Variants in PTN observed in about 807,000 individuals in gnomAD.
The protein encoded by PTN is pleiotrophin.
PTN carries 18 observed loss-of-function variants against 24.1 expected under a neutral mutation model. That is an observed-to-expected ratio of 0.75 (90% CI 0.52 to 1.11). The LOEUF is 1.11. PTN is among the 50% of genes least tolerant of loss of function. The pLI is 0.00. For synonymous variants in PTN, 78 were observed against 68.6 expected, an observed-to-expected ratio of 1.14 and a Z score of -0.67; for missense variants, 163 against 198.8, an observed-to-expected ratio of 0.82 and a Z score of 1.08.
chr7:137,281,744 T>C (rs1809478409), intron 1 of PTN, among the ~76,000 whole-genome samples: 1 of 152,230 alleles, frequency 6.6e-6, no homozygotes, highest in African/African-American at 2.4e-5. Flanking sequence ...TTTAAAGATA[T>C]ATATGCACTC....
chr7:137,242,931 G>A (rs958826030), intron 4 of PTN, among the ~76,000 whole-genome samples: 2 of 152,304 alleles, frequency 1.3e-5, no homozygotes, highest in East Asian at 1.9e-4. Context: ...TGAAAAACAC[G>A]TGTGGCTTGG....
chr7:137,233,045 T>C (rs966327855), intron 4 of PTN, among the ~76,000 whole-genome samples: 3 of 151,976 alleles, frequency 2.0e-5, no homozygotes, highest in Non-Finnish European at 2.9e-5. Context: ...AATGGGCTAA[T>C]ACAGTAAATG....
At chr7:137,267,699 G>A (rs1278931110) in intron 1 of PTN, among the ~76,000 whole-genome samples, 6 of 151,922 alleles carry the variant, frequency 3.9e-5, no homozygotes, top group Admixed American at 6.6e-5. Context: ...AAAACACCAC[G>A]CTCACACCAC....
At chr7:137,287,344 A>C (rs1191708018) in intron 1 of PTN, among the ~76,000 whole-genome samples, 1 of 152,116 alleles carries the variant, frequency 6.6e-6, no homozygotes, top group African/African-American at 2.4e-5. Flanking sequence ...AGTGGCCCAA[A>C]CCTGATCACT....
intron 1 of PTN, among the ~76,000 whole-genome samples, chr7:137,338,196 A>G (rs1157618109): frequency 6.6e-6 from 1 of 152,160 alleles, no homozygotes; most frequent in Non-Finnish European, 1.5e-5. Context: ...CTGAAGTACA[A>G]GGATTTGCCT....
chr7:137,228,594 T>C (rs1808374890), intron 4 of PTN, among the ~76,000 whole-genome samples: 1 of 151,736 alleles, frequency 6.6e-6, no homozygotes, highest in South Asian at 2.1e-4. Context: ...TCTGCTTATA[T>C]ATTTGGCCAG....
intron 1 of PTN, among the ~76,000 whole-genome samples, chr7:137,314,226 C>T (rs984051510): frequency 2.0e-5 from 3 of 152,118 alleles, no homozygotes; most frequent in Non-Finnish European, 4.4e-5. Context: ...AGCCCCAAGA[C>T]AGGCTTTCCA....
chr7:137,239,643 A>G (rs1260652468), intron 4 of PTN, among the ~76,000 whole-genome samples: 1 of 151,844 alleles, frequency 6.6e-6, no homozygotes, highest in Non-Finnish European at 1.5e-5. Flanking sequence ...GAGTGAGAAT[A>G]TGCGGTGTTT....
chr7:137,298,413 A>AC (rs1554468766), intron 1 of PTN, among the ~76,000 whole-genome samples: 2 of 151,458 alleles, frequency 1.3e-5, no homozygotes, highest in African/African-American at 4.8e-5. Flanking sequence ...GTGGAAATTT[A>AC]TTTTTTTTCA....
intron 1 of PTN, among the ~76,000 whole-genome samples, chr7:137,312,359 A>G (rs1029757252): frequency 6.6e-6 from 1 of 152,220 alleles, no homozygotes; most frequent in African/African-American, 2.4e-5. Context: ...AATGACAGAG[A>G]GCAGGTAAAT....
intron 1 of PTN, among the ~76,000 whole-genome samples, chr7:137,288,753 C>A (rs1030080308): frequency 6.6e-6 from 1 of 152,066 alleles, no homozygotes; most frequent in Admixed American, 6.6e-5. Context: ...ACCTATTATT[C>A]CTCAAGAAAA....
At chr7:137,232,230 G>A (rs188894532) in intron 4 of PTN, among the ~76,000 whole-genome samples, 41 of 152,076 alleles carry the variant, frequency 2.7e-4, no homozygotes, top group African/African-American at 9.9e-4. Context: ...TTGTCAACAT[G>A]TGAAAGTAAA....
chr7:137,259,626 A>C (rs1289986993), intron 1 of PTN, among the ~76,000 whole-genome samples: 2 of 151,750 alleles, frequency 1.3e-5, no homozygotes, highest in East Asian at 3.9e-4. Flanking sequence ...TTATTAAAAA[A>C]ATAAGCATTA....
chr7:137,307,628 A>G (rs1359012039), intron 1 of PTN, among the ~76,000 whole-genome samples: 1 of 152,188 alleles, frequency 6.6e-6, no homozygotes, highest in Non-Finnish European at 1.5e-5. Context: ...TAATAAATAT[A>G]CATTACCTCC....
At chr7:137,275,456 A>C (rs149288235) in intron 1 of PTN, among the ~76,000 whole-genome samples, 2 of 152,340 alleles carry the variant, frequency 1.3e-5, no homozygotes, top group African/African-American at 2.4e-5. Context: ...TGGGAATTAC[A>C]TGTGATATTA....
chr7:137,266,950 T>C (rs1809161885), intron 1 of PTN, among the ~76,000 whole-genome samples: 1 of 148,056 alleles, frequency 6.8e-6, no homozygotes, highest in African/African-American at 2.5e-5. Context: ...CGCAGGTTAC[T>C]GGGTTAAGGG....
chr7:137,268,567 C>A (rs1427894804), intron 1 of PTN, among the ~76,000 whole-genome samples: 2 of 152,088 alleles, frequency 1.3e-5, no homozygotes, highest in Non-Finnish European at 2.9e-5. Flanking sequence ...CTGTGAGCAC[C>A]GATGGTCAGA....
intron 1 of PTN, among the ~76,000 whole-genome samples, chr7:137,296,427 G>T (rs888769343): frequency 3.3e-5 from 5 of 152,050 alleles, no homozygotes; most frequent in African/African-American, 1.2e-4. Flanking sequence ...AGAGAGCTAA[G>T]GGAATGGGGA....
At chr7:137,340,144 A>G (rs1810511749) in intron 1 of PTN, among the ~76,000 whole-genome samples, 1 of 152,204 alleles carries the variant, frequency 6.6e-6, no homozygotes, top group Non-Finnish European at 1.5e-5. Flanking sequence ...ATTAAATTTT[A>G]TCCCTAAAAA....
Sources: gnomAD v4.1 joint callset for allele counts (sites outside exome capture counted in the v4.1 genomes callset) on GRCh38, gnomAD v4.1.1 for gene constraint, MANE v1.5 for transcripts, NCBI Gene and HGNC (gene_info 2026-07-23, HGNC 2026-07-21) for gene names.